CCDC171: variants seen among roughly 807,000 people sequenced by gnomAD.
The protein encoded by CCDC171 is coiled-coil domain containing 171.
CCDC171 carries 177 observed loss-of-function variants against 168.2 expected under a neutral mutation model. That is an observed-to-expected ratio of 1.05 (90% confidence interval 0.93 to 1.19). The LOEUF (loss-of-function observed/expected upper bound fraction) is 1.19. CCDC171 is among the 50% of genes most tolerant of loss of function. The pLI, the probability that CCDC171 is intolerant of heterozygous loss-of-function variation, is 0.00. For missense variants in CCDC171, 1,991 were observed against 1,539.0 expected, an observed-to-expected ratio of 1.29 and a Z score of -4.91; for synonymous variants, 687 against 540.8, an observed-to-expected ratio of 1.27 and a Z score of -3.75.
At chr9:16,080,736 C>T in the CCDC171 span, among the ~76,000 whole-genome samples, 1 of 152,154 alleles carries the variant, frequency 6.6e-6, no homozygotes, top group Non-Finnish European at 1.5e-5. Flanking sequence ...ATCTTTGTCT[C>T]TGCGCCCCTA....
intron 7 of CCDC171, among the ~76,000 whole-genome samples, chr9:15,635,017 A>G (rs2046092820): frequency 1.3e-5 from 2 of 152,118 alleles, no homozygotes; most frequent in South Asian, 2.1e-4. Flanking sequence ...TGTGTAATAT[A>G]TATTTTGTGT....
the CCDC171 span, among the ~76,000 whole-genome samples, chr9:16,090,411 T>G: frequency 6.6e-6 from 1 of 151,740 alleles, no homozygotes; most frequent in East Asian, 1.9e-4. Flanking sequence ...CACCGGGGCC[T>G]GTTAGGGGGT....
At chr9:15,992,388 C>G (rs1832230370) in intron 3 of CCDC171, among the ~76,000 whole-genome samples, 1 of 152,152 alleles carries the variant, frequency 6.6e-6, no homozygotes, top group African/African-American at 2.4e-5. Context: ...TGACAAAATT[C>G]AACAGCTCTT....
intron 11 of CCDC171, among the ~76,000 whole-genome samples, chr9:15,713,863 C>A (rs2134071451): frequency 6.6e-6 from 1 of 151,320 alleles, no homozygotes; most frequent in Non-Finnish European, 1.5e-5. Flanking sequence ...AAGATTTCTA[C>A]ATACTAGATT....
intron 8 of CCDC171, among the ~76,000 whole-genome samples, chr9:15,658,465 G>C (rs1363393813): frequency 6.6e-6 from 1 of 152,170 alleles, no homozygotes; most frequent in African/African-American, 2.4e-5. Context: ...CAGAATAACA[G>C]TCCCTCAAAG....
chr9:15,575,055 C>T (rs375236060), intron 3 of CCDC171, among the ~76,000 whole-genome samples: 2 of 151,524 alleles, frequency 1.3e-5, no homozygotes, highest in African/African-American at 2.4e-5. Context: ...ACAAGAAGAC[C>T]GTGAGGCTAT....
At chr9:15,822,779 A>G (rs2059844428) in intron 21 of CCDC171, among the ~76,000 whole-genome samples, 1 of 152,152 alleles carries the variant, frequency 6.6e-6, no homozygotes, top group South Asian at 2.1e-4. Flanking sequence ...CAGTGTGGTG[A>G]TTCCTCAGGG....
chr9:15,583,225 G>C (rs2041272882), intron 4 of CCDC171, among the ~76,000 whole-genome samples: 1 of 151,990 alleles, frequency 6.6e-6, no homozygotes, highest in African/African-American at 2.4e-5. Flanking sequence ...GACCATCCTG[G>C]CCAAGGTGGT....
intron 18 of CCDC171, among the ~76,000 whole-genome samples, chr9:15,771,615 C>T (rs907525772): frequency 6.6e-6 from 1 of 151,814 alleles, no homozygotes; most frequent in Non-Finnish European, 1.5e-5. Context: ...TTTAATTTTG[C>T]TTGTGATATT....
intron 25 of CCDC171, among the ~76,000 whole-genome samples, chr9:15,952,930 C>G (rs1829375054): frequency 6.6e-6 from 1 of 151,860 alleles, no homozygotes; most frequent in Admixed American, 6.6e-5. Flanking sequence ...GTATTTTATT[C>G]TTTTTGATGC....
intron 1 of CCDC171, among the ~76,000 whole-genome samples, chr9:16,057,594 A>G (rs1169438250): frequency 1.3e-5 from 2 of 152,244 alleles, no homozygotes; most frequent in East Asian, 3.9e-4. Context: ...TAGGCTTTCC[A>G]TGGGAATGCC....
chr9:15,955,580 C>G (rs1829709373), intron 25 of CCDC171, among the ~76,000 whole-genome samples: 1 of 152,078 alleles, frequency 6.6e-6, no homozygotes, highest in African/African-American at 2.4e-5. Flanking sequence ...GTGCTAAGAG[C>G]TAAAATTGAC....
At chr9:15,605,160 G>A (rs1317347962) in intron 6 of CCDC171, among the ~76,000 whole-genome samples, 2 of 152,018 alleles carry the variant, frequency 1.3e-5, no homozygotes, top group African/African-American at 4.8e-5. Context: ...GTCTCCCAAA[G>A]TATTGAGATT....
intron 25 of CCDC171, among the ~76,000 whole-genome samples, chr9:15,970,924 TCATTTGTA>T (rs1386478802): frequency 6.6e-6 from 1 of 152,162 alleles, no homozygotes; most frequent in African/African-American, 2.4e-5. Flanking sequence ...GCTGATGGGA[TCATTTGTA>T]CACCGTACCT....
rs182904872 is a variant in CCDC171 at position 15,991,410 on chromosome 9, T to C, written n.369-29179T>C. Among the ~76,000 whole-genome samples the C allele has an allele frequency of 5.0e-3, 740 of 148,614 alleles. 4 individuals carry two copies. Among genetic ancestry groups the C allele is most frequent in the Non-Finnish European group, 6.9e-3 (466 of 68,016 alleles). ...AACAAAGACACAACGTACCAGAATC[T>C]CTGGGACACATTCAAAGAAGTGTGT... On this transcript the variant is annotated intron_variant and non_coding_transcript_variant, in intron 3 of 9. Transcript: ENST00000486641.
the CCDC171 span, among the ~76,000 whole-genome samples, chr9:16,085,252 A>G: frequency 6.6e-6 from 1 of 152,356 alleles, no homozygotes; most frequent in Admixed American, 6.5e-5. Flanking sequence ...GGTCAGGGAA[A>G]CAGAAGCTAC....
rs922140882 is a variant in CCDC171 at position 15,589,885 on chromosome 9, C to T, written c.353-1481C>T. Among the ~76,000 whole-genome samples the T allele has an allele frequency of 2.0e-5, 3 of 151,856 alleles. No individual in the cohort carries two copies. The East Asian group carries it at 5.8e-4, about 29-fold the overall frequency. On this transcript the variant is annotated intron_variant, in intron 4 of 25. Transcript: ENST00000380701. The stretch of plus-strand genomic sequence containing the variant: ...TTGAATAATAGGGAATAGTGAAAGA[C>T]GTAAGAGAGAAAACAGAAATGTATG...
chr9:15,698,142 C>T (rs1355189674), intron 11 of CCDC171, among the ~76,000 whole-genome samples: 1 of 152,152 alleles, frequency 6.6e-6, no homozygotes, highest in African/African-American at 2.4e-5. Context: ...TACCTCTCTT[C>T]AATACCATCC....
chr9:15,807,740 T>G (rs564135210), intron 21 of CCDC171, among the ~76,000 whole-genome samples: 1 of 152,020 alleles, frequency 6.6e-6, no homozygotes, highest in Non-Finnish European at 1.5e-5. Context: ...ATTTATTTTT[T>G]AGGGTAATTT....
Sources: gnomAD v4.1 joint callset for allele counts (sites outside exome capture counted in the v4.1 genomes callset) on GRCh38, gnomAD v4.1.1 for gene constraint, MANE v1.5 for transcripts, NCBI Gene and HGNC (gene_info 2026-07-23, HGNC 2026-07-21) for gene names.